Variants in MACF1 observed in about 807,000 individuals in gnomAD.
MACF1 encodes microtubule-actin cross-linking factor 1.
In MACF1, 193 loss-of-function variants were observed where a neutral mutation model predicts 854.8. That is an observed-to-expected ratio of 0.23 (90% CI 0.20 to 0.25). The LOEUF is 0.25. Ranked by LOEUF, MACF1 falls within the 10% of genes least tolerant of loss-of-function variation. The pLI is 1.00. For missense variants in MACF1, 7,722 were observed against 8,929.1 expected (o/e 0.86, Z 5.45); for synonymous variants, 3,185 against 3,226.7 (o/e 0.99, Z 0.44).
intron 2 of MACF1, among the ~76,000 whole-genome samples, chr1:39,094,579 G>A (rs945873218): frequency 1.3e-5 from 2 of 152,144 alleles, no homozygotes; most frequent in African/African-American, 4.8e-5. Context: ...TTAGCCGGGC[G>A]TGGTGGTGCA....
chr1:39,378,559 A>G, intron 53 of MACF1, 36 bp downstream of exon 53: 1 of 1,586,952 alleles, frequency 6.3e-7, no homozygotes, highest in African/African-American at 1.3e-5. Context: ...TCTTTGTTGG[A>G]TGTGTTAGGA....
chr1:39,234,205 G>C (rs905767468), intron 2 of MACF1, among the ~76,000 whole-genome samples: 1 of 151,772 alleles, frequency 6.6e-6, no homozygotes, highest in Non-Finnish European at 1.5e-5. Context: ...ACACAGACAC[G>C]GCAACCATCC....
chr1:39,207,394 C>T (rs1209765705), intron 1 of MACF1, among the ~76,000 whole-genome samples: 2 of 152,048 alleles, frequency 1.3e-5, no homozygotes, highest in East Asian at 3.9e-4. Context: ...GATTCTCCTG[C>T]CTCAGTCTCC....
intron 52 of MACF1, among the ~76,000 whole-genome samples, chr1:39,376,361 C>T (rs1649719474): frequency 6.6e-6 from 1 of 152,176 alleles, no homozygotes; most frequent in Admixed American, 6.5e-5. Context: ...AGTTCTCCTC[C>T]AACTCTGAAA....
chr1:39,338,858 C>T lies in MACF1; in HGVS notation c.10215+1527C>T, dbSNP rs1021038716. ...CACCCTCAGTGAAGACTACAGCCAG[C>T]AGAGTTTATAGTCAGCTTTTTAGGG... On this transcript the variant is annotated intron_variant, in intron 38 of 100. Transcript: ENST00000564288. Among the ~76,000 whole-genome samples the T allele has an allele frequency of 9.2e-5, 14 of 152,256 alleles. No homozygotes were observed. In the South Asian group the frequency reaches 2.9e-3, roughly 32 times the overall value.
chr1:39,323,129 T>A, intron 33 of MACF1, 121 bp downstream of exon 33: 1 of 859,758 alleles, frequency 1.2e-6, no homozygotes. Context: ...TACTTGAGTC[T>A]AGGAGTTTGA....
intron 2 of MACF1, among the ~76,000 whole-genome samples, chr1:39,151,059 C>T (rs1243103577): frequency 6.6e-6 from 1 of 152,168 alleles, no homozygotes; most frequent in African/African-American, 2.4e-5. Context: ...GTCTTTGACT[C>T]AACATGTTCC....
At chr1:39,276,454 A>C (rs1037769037) in intron 6 of MACF1, among the ~76,000 whole-genome samples, 1 of 152,172 alleles carries the variant, frequency 6.6e-6, no homozygotes, top group Admixed American at 6.5e-5. Flanking sequence ...TTTGTAATCT[A>C]TCTTATCTTT....
intron 99 of MACF1, among the ~76,000 whole-genome samples, chr1:39,482,325 T>C (rs1416473881): frequency 6.6e-6 from 1 of 152,224 alleles, no homozygotes; most frequent in Non-Finnish European, 1.5e-5. Context: ...TGTTAATCAC[T>C]TTCTATCGCT....
intron 61 of MACF1, among the ~76,000 whole-genome samples, chr1:39,427,163 A>G (rs553661267): frequency 2.6e-5 from 4 of 152,280 alleles, no homozygotes; most frequent in Non-Finnish European, 5.9e-5. Flanking sequence ...TGATTGGACA[A>G]ATCTTTCTTT....
intron 6 of MACF1, chr1:39,269,612 G>A (rs773625711): frequency 1.9e-5 from 25 of 1,289,598 alleles, no homozygotes; most frequent in Non-Finnish European, 2.5e-5. Flanking sequence ...ACATACATGG[G>A]ATCCAGCCTA....
chr1:39,293,688 T>C (rs1645841279), intron 18 of MACF1, 69 bp downstream of exon 18: 1 of 1,488,774 alleles, frequency 6.7e-7, no homozygotes. Flanking sequence ...GGGCCTAGTC[T>C]GCTGAAAGCT....
At chr1:39,388,728 A>G (rs1004533065) in intron 58 of MACF1, 70 bp downstream of exon 58, 2 of 1,410,476 alleles carry the variant, frequency 1.4e-6, no homozygotes, top group African/African-American at 2.9e-5. Context: ...AAACCAGTCA[A>G]GTATACATTT....
At chr1:39,485,508 T>TTA in intron 100 of MACF1, 30 bp from the exon 101 acceptor site, 1 of 1,579,860 alleles carries the variant, frequency 6.3e-7, no homozygotes, top group East Asian at 2.3e-5. Flanking sequence ...CCATCTCTAT[T>TTA]AAGTCTGCTG....
At chr1:39,208,372 C>T (rs995003016) in intron 1 of MACF1, among the ~76,000 whole-genome samples, 1 of 151,976 alleles carries the variant, frequency 6.6e-6, no homozygotes, top group African/African-American at 2.4e-5. Flanking sequence ...TGCAGTAGCA[C>T]CCTGTTAACA....
chr1:39,299,345 A>G (rs896205863), intron 21 of MACF1: 4 of 453,194 alleles, frequency 8.8e-6, no homozygotes, highest in Middle Eastern at 6.8e-4. Context: ...CTTTACTCTC[A>G]TCGCATCTAC....
intron 49 of MACF1, among the ~76,000 whole-genome samples, chr1:39,362,459 C>G (rs1648278419): frequency 6.6e-6 from 1 of 152,220 alleles, no homozygotes; most frequent in African/African-American, 2.4e-5. Flanking sequence ...CACCTAGATT[C>G]ACCAGTTGCT....
intron 71 of MACF1, among the ~76,000 whole-genome samples, chr1:39,438,632 G>T (rs1644032620): frequency 6.6e-6 from 1 of 151,430 alleles, no homozygotes; most frequent in Non-Finnish European, 1.5e-5. Flanking sequence ...ACAAGAATTA[G>T]CTGGGTGTGG....
chr1:39,101,948 G>A (rs1007262489), intron 2 of MACF1, among the ~76,000 whole-genome samples: 2 of 151,650 alleles, frequency 1.3e-5, no homozygotes, highest in Non-Finnish European at 2.9e-5. Context: ...AGGCCGATGC[G>A]GGCGGATCAC....
Sources: gnomAD v4.1 joint callset for allele counts (sites outside exome capture counted in the v4.1 genomes callset) on GRCh38, gnomAD v4.1.1 for gene constraint, MANE v1.5 for transcripts, NCBI Gene and HGNC (gene_info 2026-07-23, HGNC 2026-07-21) for gene names.